TBC1D22A: variants seen among roughly 807,000 people sequenced by gnomAD.
The protein encoded by TBC1D22A is TBC1 domain family member 22A, also known as putative GTPase activator.
Under a neutral mutation model 60.2 loss-of-function variants are expected in TBC1D22A, and 38 were observed. The ratio of observed to expected loss-of-function variants is 0.63; its 90% CI spans 0.49 to 0.83. The LOEUF (loss-of-function observed/expected upper bound fraction) is 0.83, where lower values mean the gene tolerates loss of function less well. TBC1D22A is among the 40% of genes least tolerant of loss of function. TBC1D22A has a pLI of 0.00. For synonymous variants in TBC1D22A, 302 were observed against 281.7 expected (o/e 1.07, Z -0.72); for missense variants, 628 against 701.0 (o/e 0.90, Z 1.18).
In TBC1D22A at chr22:46,817,601, C is replaced by T. The variant is rs1031806801; in HGVS notation, c.637+19981C>T. The stretch of plus-strand genomic sequence containing the variant: ...GACATGATCTCATTCCTTTTTATGG[C>T]TGCATAGTATTCCATGGTGTATATG... On this transcript the variant is annotated intron_variant, in intron 4 of 12. Coordinates refer to ENST00000337137, the MANE Select transcript of TBC1D22A (RefSeq NM_014346.5). Among the ~76,000 whole-genome samples the T allele has an allele frequency of 9.2e-5, 14 of 152,186 alleles. No individual in the cohort carries two copies. The South Asian group carries it at 2.3e-3, about 25-fold the overall frequency.
At chr22:47,037,491 G>A (rs1379371038) in intron 11 of TBC1D22A, among the ~76,000 whole-genome samples, 1 of 152,164 alleles carries the variant, frequency 6.6e-6, no homozygotes, top group Non-Finnish European at 1.5e-5. Flanking sequence ...AATTAGCCAA[G>A]TGTGGTGGCC....
chr22:46,814,578 T>A (rs1476436629), intron 4 of TBC1D22A, among the ~76,000 whole-genome samples: 1 of 152,206 alleles, frequency 6.6e-6, no homozygotes, highest in Non-Finnish European at 1.5e-5. Context: ...TGTGTGTGTG[T>A]GTTTTCCTTT....
At chr22:47,050,746 C>A (rs565463747) in intron 11 of TBC1D22A, among the ~76,000 whole-genome samples, 22 of 146,594 alleles carry the variant, frequency 1.5e-4, no homozygotes, top group African/African-American at 4.8e-4. Flanking sequence ...CTTGTGAGGG[C>A]AGAACCTTGG....
At chr22:47,029,223 T>C (rs8136277) in intron 10 of TBC1D22A, among the ~76,000 whole-genome samples, 691 of 57,138 alleles carry the variant, frequency 0.012, no homozygotes, top group African/African-American at 0.046. Context: ...CCATACCCCT[T>C]CCCATGGGCC....
intron 12 of TBC1D22A, among the ~76,000 whole-genome samples, chr22:47,165,721 G>A (rs566173949): frequency 2.4e-4 from 36 of 152,210 alleles, no homozygotes; most frequent in African/African-American, 7.9e-4. Flanking sequence ...AGAAATGCCC[G>A]AGGGCCTCCT....
At chr22:47,138,452 G>A (rs1043703217) in intron 12 of TBC1D22A, among the ~76,000 whole-genome samples, 16 of 152,254 alleles carry the variant, frequency 1.1e-4, no homozygotes, top group African/African-American at 3.9e-4. Flanking sequence ...CCTGCAGGCT[G>A]GGGAGAAGCG....
rs373749038 is a variant in TBC1D22A, at chr22:47,174,302, G to A, written c.*676G>A. 10 of 152,318 alleles carry A rather than the reference G, an allele frequency of 6.6e-5. No individual in the cohort carries two copies. Among genetic ancestry groups the A allele is most frequent in the Non-Finnish European group, 1.2e-4 (8 of 68,136 alleles). 9.4% of individuals were successfully genotyped at this position (152,318 alleles called of 1,614,324 possible). A position where few individuals can be genotyped will look rare whatever the true frequency, so the allele number is the denominator to read the frequency against. ...GGGAGCAGAGGGAGGCCTCGCCATC[G>A]CCTTACTTTCCACCTTGAACCTCTT... On this transcript the variant is annotated 3_prime_UTR_variant, in exon 13 of 13. Transcript: ENST00000337137.
chr22:47,142,925 C>G (rs1267558777), intron 12 of TBC1D22A, among the ~76,000 whole-genome samples: 1 of 135,834 alleles, frequency 7.4e-6, no homozygotes, highest in South Asian at 2.8e-4. Flanking sequence ...TGGACACATA[C>G]TCTGTTGCTC....
chr22:46,868,104 T>C (rs371079259), intron 4 of TBC1D22A, among the ~76,000 whole-genome samples: 14 of 152,222 alleles, frequency 9.2e-5, no homozygotes, highest in African/African-American at 3.1e-4. Context: ...GCCGCTTAGC[T>C]ACTCTGAACG....
chr22:46,988,165 T>G (rs1239450827), intron 9 of TBC1D22A, among the ~76,000 whole-genome samples: 2 of 152,342 alleles, frequency 1.3e-5, no homozygotes, highest in Admixed American at 1.3e-4. Flanking sequence ...ATTGCAGTAA[T>G]TCAAGCACAT....
Position 47,174,692 on chromosome 22 carries a change from G to A in TBC1D22A, c.*1066G>A, listed in dbSNP as rs1249404440. The A allele has an allele frequency of 6.8e-6, 1 of 146,544 alleles. No individual in the cohort carries two copies. The highest frequency in any genetic ancestry group is 6.9e-5 in the Admixed American group (1 of 14,448). The allele number at this position is 146,544 out of a possible 1,614,324, so 9.1% of individuals were successfully genotyped here. ...TCCGCCATGGACCACTCCTGCCCTG[G>A]ACCACTCCTGCCCTGGACCGGTTCT... On this transcript the variant is annotated 3_prime_UTR_variant, in exon 13 of 13. Transcript: ENST00000337137.
At chr22:47,097,679 C>G (rs953325353) in intron 11 of TBC1D22A, among the ~76,000 whole-genome samples, 21 of 152,142 alleles carry the variant, frequency 1.4e-4, no homozygotes, top group Admixed American at 1.3e-4. Flanking sequence ...TAATTGACAT[C>G]TTTTCCATTT....
chr22:46,984,519 ATTAC>A (rs1488959430), intron 9 of TBC1D22A, among the ~76,000 whole-genome samples: 3 of 150,038 alleles, frequency 2.0e-5, no homozygotes, highest in Non-Finnish European at 4.4e-5. Context: ...TCGGTTCGCT[ATTAC>A]TTCTTGAATT....
At chr22:46,779,900 C>A (rs2083866401) in intron 1 of TBC1D22A, among the ~76,000 whole-genome samples, 1 of 152,216 alleles carries the variant, frequency 6.6e-6, no homozygotes. Flanking sequence ...CTCGGAGACC[C>A]TCTGGTTTGG....
chr22:47,111,414 G>A lies in TBC1D22A; in HGVS notation c.1330-94G>A, dbSNP rs1454124741. Reference sequence around the variant, plus strand: ...CAAGCTTTGGTTTCCTCTGAACCCTGACTAGATAAACCCTGACTGTCGCAG... The same window carrying A: ...CAAGCTTTGGTTTCCTCTGAACCCTAACTAGATAAACCCTGACTGTCGCAG... On this transcript the variant is annotated intron_variant, in intron 11 of 12. Transcript: ENST00000337137. 1.3e-5 allele frequency: 15 copies of A among 1,148,026 alleles called. No homozygotes were observed. The East Asian group carries it at 3.1e-4, about 24-fold the overall frequency. The allele number at this position is 1,148,026 out of a possible 1,614,324, so 71.1% of individuals were successfully genotyped here.
At chr22:46,765,959 G>A (rs1469458798) in intron 1 of TBC1D22A, among the ~76,000 whole-genome samples, 5 of 4,210 alleles carry the variant, frequency 1.2e-3, no homozygotes, top group African/African-American at 2.1e-3. Context: ...GCTAATTTAT[G>A]TGTGTGTGTG....
chr22:47,065,197 C>T (rs1021422718), intron 11 of TBC1D22A, among the ~76,000 whole-genome samples: 4 of 152,296 alleles, frequency 2.6e-5, no homozygotes, highest in South Asian at 2.1e-4. Context: ...AGGGTTTCAC[C>T]GTGTTAGCCA....
chr22:47,037,323 T>C, intron 11 of TBC1D22A, 125 bp downstream of exon 11: 9 of 1,369,646 alleles, frequency 6.6e-6, no homozygotes, highest in Non-Finnish European at 8.9e-6. Flanking sequence ...TCCATTGAAA[T>C]GCGGTCTTTA....
chr22:47,048,600 T>TA (rs1166483694), intron 11 of TBC1D22A, among the ~76,000 whole-genome samples: 2 of 152,192 alleles, frequency 1.3e-5, no homozygotes, highest in African/African-American at 2.4e-5. Context: ...GGGAAGCACT[T>TA]ACAGTTCCCT....
Sources: gnomAD v4.1 joint callset for allele counts (sites outside exome capture counted in the v4.1 genomes callset) on GRCh38, gnomAD v4.1.1 for gene constraint, MANE v1.5 for transcripts, NCBI Gene and HGNC (gene_info 2026-07-23, HGNC 2026-07-21) for gene names.